The following ATF5 variants were observed in gnomAD, a reference collection of about 807,000 sequenced individuals.
ATF5 encodes activating transcription factor 5.
Under a neutral mutation model 4.6 loss-of-function variants are expected in ATF5, and 6 were observed. That is an observed-to-expected ratio of 1.31 (90% confidence interval 0.72 to 2.59). The LOEUF is 2.59. Among genes scored for constraint, ATF5 ranks in the 30% most tolerant of loss-of-function variants. ATF5 has a pLI of 0.00. For synonymous variants in ATF5, 193 were observed against 165.0 expected, an observed-to-expected ratio of 1.17 and a Z score of -1.30; for missense variants, 410 against 368.7, an observed-to-expected ratio of 1.11 and a Z score of -0.92.
Position 49,930,939 on chromosome 19 carries a change from T to A in ATF5, c.89T>A (p.Leu30His). 6.2e-7 allele frequency: 1 copy of A among 1,605,978 alleles called. No homozygotes were observed. Among genetic ancestry groups the A allele is most frequent in the African/African-American group, 1.3e-5 (1 of 74,780 alleles). The stretch of plus-strand genomic sequence containing the variant: ...GGATGGCTCGTAGACTATGGGAAAC[T>A]CCCCCCGGCCCCTGCCCCCCTGGCT... ...GLGWLVDYGK[L>H]PPAPAPLAPY... The change falls in exon 2 of 3, where the codon CTC becomes CAC. Residue 30 changes from leucine (L) to histidine (H), a missense_variant. Coordinates refer to ENST00000423777, the MANE Select transcript of ATF5 (RefSeq NM_001193646.2).
rs1019531337 is a variant in ATF5 at position 49,933,250 on chromosome 19, C to T, written c.*158C>T. The T allele has an allele frequency of 8.0e-6, 6 of 746,734 alleles. No individual in the cohort carries two copies. The highest frequency in any genetic ancestry group is 1.2e-5 in the Non-Finnish European group (6 of 481,024). The allele number at this position is 746,734 out of a possible 1,614,324, so 46.3% of individuals were successfully genotyped here. On this transcript the variant is annotated 3_prime_UTR_variant, in exon 3 of 3. Transcript: ENST00000423777. The stretch of plus-strand genomic sequence containing the variant: ...CCAAGGCAGGAGGATCGTTTGAGGC[C>T]AGGAGGTCAATACCAGCCTGGGCAA...
At chr19:49,930,330 AAG>A (rs1162048750) in intron 1 of ATF5, 1 of 151,968 alleles carries the variant, frequency 6.6e-6, no homozygotes, top group Non-Finnish European at 1.5e-5. Context: ...GTGGGGCCAA[AAG>A]GAAATATTTT....
intron 2 of ATF5, among the ~76,000 whole-genome samples, chr19:49,932,071 G>A (rs2076068619): frequency 6.6e-6 from 1 of 151,748 alleles, no homozygotes; most frequent in Non-Finnish European, 1.5e-5. Context: ...TAATTTGTTG[G>A]GTTTTGGTTA....
At position 49,933,208 on chromosome 19, in the gene ATF5, C is replaced by G; in HGVS notation, c.*116C>G. ...GGGTGCAGTGGCTTATGCTTGTAAT[C>G]CCAGCACTTTGGGAGGCCAAGGCAG... On this transcript the variant is annotated 3_prime_UTR_variant, in exon 3 of 3. Coordinates refer to ENST00000423777, the MANE Select transcript of ATF5 (RefSeq NM_001193646.2). The G allele has an allele frequency of 1.7e-6, 2 of 1,183,458 alleles. No homozygotes were observed. Among genetic ancestry groups the G allele is most frequent in the South Asian group, 3.4e-5 (2 of 59,020 alleles). The allele number at this position is 1,183,458 out of a possible 1,614,324, so 73.3% of individuals were successfully genotyped here.
In ATF5 at chr19:49,932,949, C is replaced by G; in HGVS notation, c.706C>G (p.Leu236Val). ...RQRKRAEGEA[L>V]EGECQGLEAR... The stretch of plus-strand genomic sequence containing the variant: ...GCGGAAGCGGGCAGAGGGTGAGGCC[C>G]TGGAGGGCGAGTGCCAGGGGCTGGA... Residue 236 changes from leucine to valine, a missense_variant, in exon 3 of 3, where the codon CTG (leucine) becomes GTG (valine). Transcript: ENST00000423777. 3.1e-6 allele frequency: 5 copies of G among 1,613,976 alleles called. No individual in the cohort carries two copies. Among genetic ancestry groups the G allele is most frequent in the Non-Finnish European group, 4.2e-6 (5 of 1,179,950 alleles).
At position 49,932,811 on chromosome 19, in the gene ATF5, T is replaced by C. The variant is rs749451398; in HGVS notation, c.568T>C (p.Ser190Pro). 2.2e-4 allele frequency: 357 copies of C among 1,608,756 alleles called. No homozygotes were observed. The highest frequency in any genetic ancestry group is 2.7e-4 in the Non-Finnish European group (323 of 1,177,978). Residue 190 changes from serine (S) to proline (P), a missense_variant, in exon 3 of 3, where the codon TCT becomes CCT. Ser to Pro is a moderately conservative substitution (Grantham distance 74). Transcript: ENST00000423777. ...CCCGCCACAGCAGCCCCCTCCTCCT[T>C]CTCCACCTCAACCTTCTCGCCTGGC... is the stretch of plus-strand genomic sequence containing the variant. ...LPPPQQPPPP[S>P]PPQPSRLAPY... is the part of the protein sequence containing the mutation.
chr19:49,930,785 G>A lies in ATF5; in HGVS notation c.-66G>A. The A allele has an allele frequency of 7.1e-7, 1 of 1,404,188 alleles. No homozygotes were observed. Among genetic ancestry groups the A allele is most frequent in the Non-Finnish European group, 9.5e-7 (1 of 1,050,274 alleles). The allele number at this position is 1,404,188 out of a possible 1,614,324, so 87.0% of individuals were successfully genotyped here. A position where few individuals can be genotyped will look rare whatever the true frequency, so the allele number is the denominator to read the frequency against. ...TTCGCCCACCTGAGCATCCTCCAGA[G>A]CCTCGTGCCAGCTGCTGGTGCAGCC... is the stretch of plus-strand genomic sequence containing the variant. On this transcript the variant is annotated 5_prime_UTR_variant, in exon 2 of 3. Transcript: ENST00000423777.
At position 49,932,632 on chromosome 19, in the gene ATF5, TACCACCACC is replaced by T. The variant is rs753089247; in HGVS notation, c.395_403del (p.Pro132_Pro134del). On this transcript the variant is annotated inframe_deletion, in exon 3 of 3. Coordinates refer to ENST00000423777, the MANE Select transcript of ATF5 (RefSeq NM_001193646.2). ...CTCCCACCACCCTCCCCGCCGCCAC[TACCACCACC>T]ACCACTACCACCAGCCCCCTCCCTC... 5 of 1,087,256 alleles carry T rather than the reference TACCACCACC, an allele frequency of 4.6e-6. No homozygotes were observed. Among genetic ancestry groups the T allele is most frequent in the Non-Finnish European group, 3.6e-6 (3 of 825,780 alleles). 67.4% of individuals were successfully genotyped at this position (1,087,256 alleles called of 1,614,324 possible). A position where few individuals can be genotyped will look rare whatever the true frequency, so the allele number is the denominator to read the frequency against.
rs1488361040 is a variant in ATF5, at chr19:49,933,132, C to T, written c.*40C>T. The T allele has an allele frequency of 2.6e-6, 4 of 1,518,304 alleles. No individual in the cohort carries two copies. The highest frequency in any genetic ancestry group is 3.5e-6 in the Non-Finnish European group (4 of 1,130,886). 94.1% of individuals were successfully genotyped at this position (1,518,304 alleles called of 1,614,324 possible). A position where few individuals can be genotyped will look rare whatever the true frequency, so the allele number is the denominator to read the frequency against. ...GGCTTCTGGGGGCTGGTCTTCAGCT[C>T]TGGCGCCTTCATCCCCCTGCCTCTA... On this transcript the variant is annotated 3_prime_UTR_variant, in exon 3 of 3. Transcript: ENST00000423777.
Position 49,932,887 on chromosome 19 carries a change from G to A in ATF5, c.644G>A (p.Arg215Lys). The A allele has an allele frequency of 3.7e-6, 6 of 1,613,644 alleles. No homozygotes were observed. The highest frequency in any genetic ancestry group is 2.2e-5 in the East Asian group (1 of 44,852). ...CGAGGGGACCGCAAGCAAAAGAAGA[G>A]AGACCAGAACAAGTCGGCGGCTCTG... ...TTRGDRKQKK[R>K]DQNKSAALRY... The change falls in exon 3 of 3, where the codon AGA becomes AAA. Residue 215 changes from arginine to lysine, a missense_variant. By Grantham distance (26) the Arg-to-Lys change is conservative. Coordinates refer to ENST00000423777, the MANE Select transcript of ATF5 (RefSeq NM_001193646.2).
rs2076090478 is a variant in ATF5, at chr19:49,933,846, T to A, written c.*754T>A. 6.5e-6 allele frequency: 1 copy of A among 152,754 alleles called. No individual in the cohort carries two copies. The highest frequency in any genetic ancestry group is 1.5e-5 in the Non-Finnish European group (1 of 68,056). 9.5% of individuals were successfully genotyped at this position (152,754 alleles called of 1,614,324 possible). On this transcript the variant is annotated 3_prime_UTR_variant, in exon 3 of 3. Coordinates refer to ENST00000423777, the MANE Select transcript of ATF5 (RefSeq NM_001193646.2). ...AAAAATCAGTGTTTCGTGAAGGTGT[T>A]GGAGAGGGGCTGTGTCTGGGTGAGG...
rs1487194419 is a variant in ATF5 at position 49,930,958 on chromosome 19, C to G, written c.108C>G (p.Pro36=). The part of the protein sequence containing the change: ...DYGKLPPAPA[P]LAPYEVLGGA... Reference sequence around the variant, plus strand: ...GGAAACTCCCCCCGGCCCCTGCCCCCCTGGCTCCCTATGAGGTCCTTGGGG... The same window carrying G: ...GGAAACTCCCCCCGGCCCCTGCCCCGCTGGCTCCCTATGAGGTCCTTGGGG... Residue 36 remains proline, a synonymous_variant, in exon 2 of 3, where the codon CCC becomes CCG. Transcript: ENST00000423777. 1.7e-5 allele frequency: 27 copies of G among 1,594,102 alleles called. No individual in the cohort carries two copies. Among genetic ancestry groups the G allele is most frequent in the East Asian group, 2.3e-5 (1 of 44,130 alleles).
chr19:49,930,708 C>T (rs973522780), intron 1 of ATF5, 24 bp from the exon 2 acceptor site: 6 of 638,162 alleles, frequency 9.4e-6, no homozygotes, highest in Non-Finnish European at 5.1e-6. Context: ...CCTGACCACA[C>T]CCACTCTTGT....
intron 2 of ATF5, among the ~76,000 whole-genome samples, 185 bp from the exon 3 acceptor site, chr19:49,932,237 C>T (rs1049551884): frequency 5.9e-5 from 9 of 151,896 alleles, no homozygotes; most frequent in South Asian, 2.1e-4. Context: ...TTGGTTGGTT[C>T]GTTGACTGGT....
chr19:49,933,167 C>A lies in ATF5; in HGVS notation c.*75C>A. The stretch of plus-strand genomic sequence containing the variant: ...CATCCCCCTGCCTCTACCTTCATTC[C>A]AAACCCCTCTCGGCCGGGTGCAGTG... On this transcript the variant is annotated 3_prime_UTR_variant, in exon 3 of 3. Transcript: ENST00000423777. The A allele has an allele frequency of 7.0e-7, 1 of 1,428,952 alleles. No individual in the cohort carries two copies. Among genetic ancestry groups the A allele is most frequent in the Non-Finnish European group, 9.3e-7 (1 of 1,072,020 alleles). The allele number at this position is 1,428,952 out of a possible 1,614,324, so 88.5% of individuals were successfully genotyped here.
At position 49,932,955 on chromosome 19, in the gene ATF5, G is replaced by A. The variant is rs1371291924; in HGVS notation, c.712G>A (p.Gly238Ser). 1 of 1,613,864 alleles carries A rather than the reference G, an allele frequency of 6.2e-7. No homozygotes were observed. The highest frequency in any genetic ancestry group is 1.3e-5 in the African/African-American group (1 of 74,906). The change falls in exon 3 of 3, where the codon GGC (glycine) becomes AGC (serine). Residue 238 changes from glycine to serine, a missense_variant. Physicochemically the swap from Gly to Ser is moderately conservative, Grantham distance 56 (BLOSUM62 0). Coordinates refer to ENST00000423777, the MANE Select transcript of ATF5 (RefSeq NM_001193646.2). The stretch of plus-strand genomic sequence containing the variant: ...GCGGGCAGAGGGTGAGGCCCTGGAG[G>A]GCGAGTGCCAGGGGCTGGAGGCACG... ...RKRAEGEALE[G>S]ECQGLEARNR...
Position 49,932,555 on chromosome 19 carries a change from C to T in ATF5, c.312C>T (p.Leu104=). ...TPPDLEAMAS[L]LKKELEQMED... Reference sequence around the variant, plus strand: ...CTGACCTGGAAGCTATGGCCTCCCTCCTCAAGAAGGAGCTGGAACAGATGG... The same window carrying T: ...CTGACCTGGAAGCTATGGCCTCCCTTCTCAAGAAGGAGCTGGAACAGATGG... Residue 104 remains leucine, a synonymous_variant, in exon 3 of 3, where the codon CTC becomes CTT. Transcript: ENST00000423777. 1 of 1,607,282 alleles carries T rather than the reference C, an allele frequency of 6.2e-7. No individual in the cohort carries two copies. Among genetic ancestry groups the T allele is most frequent in the Non-Finnish European group, 8.5e-7 (1 of 1,177,958 alleles).
intron 2 of ATF5, 69 bp downstream of exon 2, chr19:49,931,097 C>A: frequency 7.6e-7 from 1 of 1,323,582 alleles, no homozygotes; most frequent in East Asian, 2.6e-5. Flanking sequence ...AGAACTCATC[C>A]ATGTATTCAA....
chr19:49,929,542 A>T (rs546632484), intron 1 of ATF5, 142 bp downstream of exon 1: 2 of 151,906 alleles, frequency 1.3e-5, no homozygotes, highest in African/African-American at 4.8e-5. Context: ...GGTGGGCCGA[A>T]GGCGCGCGGC....
Sources: gnomAD v4.1 joint callset for allele counts (sites outside exome capture counted in the v4.1 genomes callset) on GRCh38, gnomAD v4.1.1 for gene constraint, MANE v1.5 for transcripts, NCBI Gene and HGNC (gene_info 2026-07-23, HGNC 2026-07-21) for gene names.